RFX3: variants seen among roughly 807,000 people sequenced by gnomAD.
RFX3 encodes regulatory factor X3, also known as transcription factor RFX3.
In RFX3, 14 loss-of-function variants were observed where a neutral mutation model predicts 98.6. The observed-to-expected ratio is 0.14, with a 90% CI of 0.09 to 0.22. The LOEUF is 0.22. Ranked by LOEUF, RFX3 falls within the 10% of genes least tolerant of loss-of-function variation. The pLI is 1.00. For synonymous variants in RFX3, 383 were observed against 328.4 expected (o/e 1.17, Z -1.80); for missense variants, 639 against 926.9 (o/e 0.69, Z 4.03).
intron 1 of RFX3, among the ~76,000 whole-genome samples, chr9:3,450,781 A>T (rs2132857252): frequency 6.6e-6 from 1 of 152,356 alleles, no homozygotes; most frequent in South Asian, 2.1e-4. Context: ...AACAGTAATA[A>T]GAATTCTTAG....
At chr9:3,520,117 G>GA (rs1298157892) in intron 1 of RFX3, among the ~76,000 whole-genome samples, 9 of 152,046 alleles carry the variant, frequency 5.9e-5, no homozygotes, top group African/African-American at 9.7e-5. Flanking sequence ...TTCAAAAAAG[G>GA]AAAAATCTTA....
At chr9:3,336,942 G>A (rs766259499) in intron 3 of RFX3, among the ~76,000 whole-genome samples, 9 of 152,186 alleles carry the variant, frequency 5.9e-5, no homozygotes, top group Non-Finnish European at 1.0e-4. Flanking sequence ...GTATGTATGT[G>A]TGTACTTACC....
rs1325848387 is a variant in RFX3 at position 3,398,897 on chromosome 9, TA to T, written c.-8-3302del. ...ACCTGCACAATGTGCACATGTACCC[TA>T]AAACTTAGAGTATAATAAAAAAAAA... On this transcript the variant is annotated intron_variant, in intron 1 of 16. Coordinates refer to ENST00000617270, the MANE Select transcript of RFX3 (RefSeq NM_001282116.2). Among the ~76,000 whole-genome samples, 7 of 95,204 alleles carry T rather than the reference TA, an allele frequency of 7.4e-5. No individual in the cohort carries two copies. The East Asian group carries it at 2.0e-3, about 27-fold the overall frequency. 62.5% of individuals were successfully genotyped at this position (95,204 alleles called of 152,430 possible). A position where few individuals can be genotyped will look rare whatever the true frequency, so the allele number is the denominator to read the frequency against.
chr9:3,239,949 G>A (rs575565221), intron 15 of RFX3, among the ~76,000 whole-genome samples: 2 of 152,266 alleles, frequency 1.3e-5, no homozygotes, highest in East Asian at 1.9e-4. Flanking sequence ...ACCATTCAGA[G>A]GCATGAAGAG....
intron 14 of RFX3, among the ~76,000 whole-genome samples, chr9:3,250,808 TATA>T (rs566029511): frequency 6.6e-6 from 1 of 152,044 alleles, no homozygotes; most frequent in Admixed American, 6.6e-5. Flanking sequence ...ATGTTTATAA[TATA>T]ATCGTTAAGT....
At chr9:3,319,012 T>A (rs1364380826) in intron 4 of RFX3, among the ~76,000 whole-genome samples, 1 of 152,246 alleles carries the variant, frequency 6.6e-6, no homozygotes, top group Non-Finnish European at 1.5e-5. Flanking sequence ...CAAAAGCACT[T>A]GGGAGTTGGA....
intron 2 of RFX3, among the ~76,000 whole-genome samples, chr9:3,360,487 T>G (rs1196505946): frequency 6.6e-6 from 1 of 152,112 alleles, no homozygotes; most frequent in Non-Finnish European, 1.5e-5. Context: ...AATAACATTC[T>G]GTACCAGAAT....
At chr9:3,495,003 C>T (rs770731848) in intron 1 of RFX3, among the ~76,000 whole-genome samples, 2 of 151,998 alleles carry the variant, frequency 1.3e-5, no homozygotes, top group Non-Finnish European at 2.9e-5. Context: ...TAGTTTTTCT[C>T]ACCTAGTAAT....
chr9:3,464,412 A>C (rs1848008114), intron 1 of RFX3, among the ~76,000 whole-genome samples: 1 of 152,232 alleles, frequency 6.6e-6, no homozygotes, highest in Non-Finnish European at 1.5e-5. Flanking sequence ...TTATCAGAAC[A>C]ACCAAATTGC....
chr9:3,287,623 C>T (rs1233672088), intron 7 of RFX3, among the ~76,000 whole-genome samples: 2 of 151,952 alleles, frequency 1.3e-5, no homozygotes, highest in Non-Finnish European at 2.9e-5. Context: ...GTCCATACGT[C>T]CATCCATCCA....
At chr9:3,393,298 C>T (rs916329700) in intron 2 of RFX3, among the ~76,000 whole-genome samples, 1 of 151,830 alleles carries the variant, frequency 6.6e-6, no homozygotes, top group South Asian at 2.1e-4. Flanking sequence ...AAATAACAGA[C>T]CTTGCTAAGT....
intron 1 of RFX3, among the ~76,000 whole-genome samples, chr9:3,477,057 T>C (rs1238805708): frequency 6.6e-6 from 1 of 152,154 alleles, no homozygotes; most frequent in Non-Finnish European, 1.5e-5. Flanking sequence ...ATTTATGTAA[T>C]AATTATTTTC....
chr9:3,506,701 G>C (rs1817134530), intron 1 of RFX3, among the ~76,000 whole-genome samples: 1 of 151,678 alleles, frequency 6.6e-6, no homozygotes, highest in Non-Finnish European at 1.5e-5. Context: ...TTCACATATA[G>C]AGAAATGTAT....
intron 5 of RFX3, among the ~76,000 whole-genome samples, chr9:3,297,975 CAAGAAA>C (rs1352580552): frequency 6.6e-6 from 1 of 151,162 alleles, no homozygotes; most frequent in Non-Finnish European, 1.5e-5. Flanking sequence ...TAATTAACAC[CAAGAAA>C]AAGTATAAAA....
At chr9:3,313,762 A>G (rs2130546218) in intron 4 of RFX3, among the ~76,000 whole-genome samples, 1 of 152,364 alleles carries the variant, frequency 6.6e-6, no homozygotes, top group East Asian at 1.9e-4. Flanking sequence ...TAAGTGGAAG[A>G]AAGGGTATCA....
intron 4 of RFX3, among the ~76,000 whole-genome samples, chr9:3,319,738 C>T (rs756710114): frequency 2.6e-5 from 4 of 151,878 alleles, no homozygotes; most frequent in Non-Finnish European, 5.9e-5. Flanking sequence ...GATTAGGTAC[C>T]TTTCAGTGCA....
intron 2 of RFX3, among the ~76,000 whole-genome samples, chr9:3,375,448 A>G (rs1838355243): frequency 6.6e-6 from 1 of 152,200 alleles, no homozygotes; most frequent in South Asian, 2.1e-4. Flanking sequence ...ATCTAACCAT[A>G]TATTACCAGG....
intron 2 of RFX3, among the ~76,000 whole-genome samples, chr9:3,347,062 T>C (rs1276113151): frequency 6.6e-6 from 1 of 152,214 alleles, no homozygotes; most frequent in Non-Finnish European, 1.5e-5. Flanking sequence ...GGCTTACTCC[T>C]GTAATCCTAG....
intron 1 of RFX3, among the ~76,000 whole-genome samples, chr9:3,513,034 T>C (rs907697945): frequency 6.6e-6 from 1 of 152,128 alleles, no homozygotes; most frequent in African/African-American, 2.4e-5. Context: ...ATTTCTCTCA[T>C]TTCTTTATGC....
Sources: allele counts gnomAD v4.1 joint callset (sites outside exome capture counted in the v4.1 genomes callset), GRCh38; gene constraint gnomAD v4.1.1; transcripts MANE v1.5; gene names NCBI Gene and HGNC (gene_info 2026-07-23, HGNC 2026-07-21).